Variants in FSTL5 observed in about 807,000 individuals in gnomAD.
FSTL5 encodes follistatin like 5, also known as follistatin-related protein 5.
FSTL5 carries 62 observed loss-of-function variants against 89.1 expected under a neutral mutation model. The ratio of observed to expected loss-of-function variants is 0.70; its 90% CI spans 0.57 to 0.86. The LOEUF is 0.86. Ranked by LOEUF, FSTL5 falls within the 40% of genes least tolerant of loss-of-function variation. The probability of loss-of-function intolerance (pLI) is 0.00; values close to 1 mark genes in which losing one functional copy is unlikely to be tolerated. For missense variants in FSTL5, 1,057 were observed against 1,001.6 expected (o/e 1.06, Z -0.75); for synonymous variants, 383 against 346.2 (o/e 1.11, Z -1.18).
chr4:162,003,269 C>T (rs1368354427), intron 3 of FSTL5, among the ~76,000 whole-genome samples: 4 of 151,774 alleles, frequency 2.6e-5, no homozygotes, highest in Non-Finnish European at 5.9e-5. Flanking sequence ...TTTCTGTGTG[C>T]CAGATGCTGT....
intron 6 of FSTL5, among the ~76,000 whole-genome samples, chr4:161,669,324 G>T (rs1737014210): frequency 6.6e-6 from 1 of 151,892 alleles, no homozygotes; most frequent in South Asian, 2.1e-4. Flanking sequence ...AGAGGCAAAA[G>T]ATCAAGATGA....
intron 15 of FSTL5, among the ~76,000 whole-genome samples, chr4:161,393,864 G>A (rs1398190301): frequency 6.6e-6 from 1 of 152,120 alleles, no homozygotes; most frequent in Non-Finnish European, 1.5e-5. Flanking sequence ...CTAGTACTCT[G>A]GTCCCACTCC....
At chr4:161,663,471 C>A (rs1228026224) in intron 6 of FSTL5, among the ~76,000 whole-genome samples, 2 of 152,140 alleles carry the variant, frequency 1.3e-5, no homozygotes, top group Non-Finnish European at 2.9e-5. Context: ...GGGCCAGTCA[C>A]ATTTTAAAGC....
intron 8 of FSTL5, among the ~76,000 whole-genome samples, chr4:161,550,110 T>C (rs746720008): frequency 1.3e-5 from 2 of 151,834 alleles, no homozygotes; most frequent in Non-Finnish European, 2.9e-5. Context: ...GGGGAGGGTG[T>C]CCTCAGAAAG....
intron 15 of FSTL5, among the ~76,000 whole-genome samples, chr4:161,415,907 T>A (rs1178419283): frequency 6.6e-6 from 1 of 150,820 alleles, no homozygotes; most frequent in Non-Finnish European, 1.5e-5. Context: ...CTACAACGGG[T>A]AAGTGAGTGA....
At chr4:161,586,078 G>T (rs4691773) in intron 8 of FSTL5, among the ~76,000 whole-genome samples, 91,659 of 151,990 alleles carry the variant, frequency 0.6, 29,068 homozygotes, top group African/African-American at 0.79. Flanking sequence ...TTTGGCACAT[G>T]TTATTAATTG....
intron 4 of FSTL5, among the ~76,000 whole-genome samples, chr4:161,812,726 C>T (rs1332918991): frequency 2.0e-5 from 3 of 151,790 alleles, no homozygotes. Context: ...CATTACCATC[C>T]TAGTCTACAT....
intron 5 of FSTL5, among the ~76,000 whole-genome samples, chr4:161,765,255 T>G (rs1740952650): frequency 1.3e-5 from 2 of 152,232 alleles, no homozygotes; most frequent in Non-Finnish European, 2.9e-5. Context: ...TTACACTCTC[T>G]GATGTTAAAT....
chr4:162,081,265 T>G (rs1398842609), intron 2 of FSTL5, among the ~76,000 whole-genome samples: 2 of 151,574 alleles, frequency 1.3e-5, no homozygotes, highest in East Asian at 3.9e-4. Flanking sequence ...CTCATTAGAA[T>G]TGATCAGAAC....
chr4:162,099,261 T>C (rs934038841), intron 2 of FSTL5, among the ~76,000 whole-genome samples: 2 of 152,092 alleles, frequency 1.3e-5, no homozygotes, highest in African/African-American at 4.8e-5. Flanking sequence ...AAAAGGAAAA[T>C]AATTGAAGAA....
At chr4:161,622,213 C>A (rs1735156528) in intron 7 of FSTL5, among the ~76,000 whole-genome samples, 1 of 151,932 alleles carries the variant, frequency 6.6e-6, no homozygotes, top group African/African-American at 2.4e-5. Flanking sequence ...ATCTTAACAG[C>A]CTTTTATCTC....
At chr4:161,532,990 A>G (rs919197812) in intron 10 of FSTL5, among the ~76,000 whole-genome samples, 2 of 150,408 alleles carry the variant, frequency 1.3e-5, no homozygotes, top group South Asian at 2.1e-4. Flanking sequence ...TGAGTGAACA[A>G]TAACATTAAC....
intron 2 of FSTL5, among the ~76,000 whole-genome samples, chr4:162,059,359 G>A (rs982429346): frequency 2.6e-5 from 4 of 152,222 alleles, no homozygotes; most frequent in East Asian, 1.9e-4. Flanking sequence ...ACATTCTTAC[G>A]TGTTAATATT....
At chr4:161,656,181 C>G (rs917853544) in intron 7 of FSTL5, 147 bp downstream of exon 7, 1 of 435,384 alleles carries the variant, frequency 2.3e-6, no homozygotes, top group African/African-American at 2.0e-5. Flanking sequence ...TAGTGCACCT[C>G]TCATTCCGTA....
chr4:161,511,597 T>C (rs1303412155), intron 10 of FSTL5, among the ~76,000 whole-genome samples: 1 of 152,152 alleles, frequency 6.6e-6, no homozygotes, highest in Non-Finnish European at 1.5e-5. Flanking sequence ...GATGGATGTG[T>C]TAATGATTGT....
At chr4:161,604,901 C>T (rs1431882369) in intron 7 of FSTL5, among the ~76,000 whole-genome samples, 1 of 152,102 alleles carries the variant, frequency 6.6e-6, no homozygotes, top group African/African-American at 2.4e-5. Flanking sequence ...CTTTCTCACC[C>T]ACGGTTAAAT....
intron 10 of FSTL5, among the ~76,000 whole-genome samples, chr4:161,521,881 A>C (rs968589394): frequency 6.6e-6 from 1 of 151,426 alleles, no homozygotes; most frequent in Non-Finnish European, 1.5e-5. Context: ...AAAAGAAAAA[A>C]AGGTTATGAA....
chr4:161,864,786 CACTT>C (rs1287221038), intron 4 of FSTL5, among the ~76,000 whole-genome samples: 4 of 147,982 alleles, frequency 2.7e-5, no homozygotes, highest in Middle Eastern at 3.6e-3. Context: ...GCAGGAGAAT[CACTT>C]GAACCCGGGA....
intron 12 of FSTL5, among the ~76,000 whole-genome samples, chr4:161,491,492 G>C (rs1376353785): frequency 6.6e-6 from 1 of 151,626 alleles, no homozygotes; most frequent in Non-Finnish European, 1.5e-5. Flanking sequence ...CTTTAAAATA[G>C]AGATGGGATA....
Sources: allele counts gnomAD v4.1 joint callset (sites outside exome capture counted in the v4.1 genomes callset), GRCh38; gene constraint gnomAD v4.1.1; transcripts MANE v1.5; gene names NCBI Gene and HGNC (gene_info 2026-07-23, HGNC 2026-07-21).